The following LAMC2 variants were observed in gnomAD, a reference collection of about 807,000 sequenced individuals.
LAMC2 encodes laminin subunit gamma 2.
Under a neutral mutation model 140.2 loss-of-function variants are expected in LAMC2, and 97 were observed. That is an observed-to-expected ratio of 0.69 (90% confidence interval 0.59 to 0.82). LAMC2 has a LOEUF of 0.82. Ranked by LOEUF, LAMC2 falls within the 40% of genes least tolerant of loss-of-function variation. The pLI, the probability that LAMC2 is intolerant of heterozygous loss-of-function variation, is 0.00. For missense variants in LAMC2, 1,402 were observed against 1,476.1 expected (o/e 0.95, Z 0.82); for synonymous variants, 513 against 540.2 (o/e 0.95, Z 0.70).
chr1:183,227,494 C>A (rs769312649), intron 9 of LAMC2, 21 bp from the exon 10 acceptor site: 8 of 1,608,276 alleles, frequency 5.0e-6, no homozygotes, highest in Non-Finnish European at 6.8e-6. Context: ...CTCTGCCCCT[C>A]CACTCTTCTC....
chr1:183,211,574 C>T (rs1659070998), intron 2 of LAMC2, among the ~76,000 whole-genome samples: 1 of 152,156 alleles, frequency 6.6e-6, no homozygotes, highest in East Asian at 1.9e-4. Flanking sequence ...GCAGCGGCTC[C>T]ATCATGGCTT....
intron 1 of LAMC2, among the ~76,000 whole-genome samples, chr1:183,203,808 G>A (rs556224933): frequency 6.6e-5 from 10 of 152,180 alleles, no homozygotes; most frequent in East Asian, 1.9e-4. Context: ...ACATTCCCCA[G>A]ACATGAGGCC....
chr1:183,221,293 GA>G (rs1264162935), intron 5 of LAMC2, among the ~76,000 whole-genome samples: 1 of 152,130 alleles, frequency 6.6e-6, no homozygotes, highest in African/African-American at 2.4e-5. Context: ...AGTCTTCCTG[GA>G]ATTCACGTTC....
In LAMC2 at chr1:183,240,188, C is replaced by T. The variant is rs1660089003; in HGVS notation, c.3218C>T (p.Ala1073Val). The T allele has an allele frequency of 3.1e-6, 5 of 1,614,088 alleles. No homozygotes were observed. The highest frequency in any genetic ancestry group is 1.7e-5 in the Admixed American group (1 of 60,002). Residue 1073 changes from alanine to valine, a missense_variant, in exon 21 of 23, where the codon GCA becomes GTA. Coordinates refer to ENST00000264144, the MANE Select transcript of LAMC2 (RefSeq NM_005562.3). ...KELEFDTNMD[A>V]VQMVITEAQK... ...CTGGAGTTTGACACGAATATGGATG[C>T]AGTACAGATGGTGAGTTCCTGTTGC...
Position 183,235,698 on chromosome 1 carries a change from G to T in LAMC2, c.2424G>T (p.Pro808=). 1 of 1,614,184 alleles carries T rather than the reference G, an allele frequency of 6.2e-7. No individual in the cohort carries two copies. The highest frequency in any genetic ancestry group is 8.5e-7 in the Non-Finnish European group (1 of 1,180,018). ...GAGTCGGAAGCGGAAGCGGTAGCCC[G>T]GACGGTGCTGTGGTGCAAGGGCTTG... The part of the protein sequence containing the change: ...HEGVGSGSGS[P]DGAVVQGLVE... The change falls in exon 16 of 23, where the codon CCG becomes CCT. Residue 808 remains proline (P), a synonymous_variant. Transcript: ENST00000264144.
intron 3 of LAMC2, among the ~76,000 whole-genome samples, chr1:183,216,431 T>C (rs1659258743): frequency 6.6e-6 from 1 of 152,180 alleles, no homozygotes; most frequent in South Asian, 2.1e-4. Context: ...ATAAAACTTA[T>C]CAAGGTCCTG....
intron 1 of LAMC2, among the ~76,000 whole-genome samples, chr1:183,197,729 A>G (rs1658566065): frequency 1.3e-5 from 2 of 152,126 alleles, no homozygotes; most frequent in Admixed American, 6.6e-5. Flanking sequence ...AATAAAGTGG[A>G]TGGCAGACAT....
At chr1:183,190,764 A>G (rs1208261886) in intron 1 of LAMC2, among the ~76,000 whole-genome samples, 1 of 152,162 alleles carries the variant, frequency 6.6e-6, no homozygotes, top group Non-Finnish European at 1.5e-5. Context: ...TTATACTTAG[A>G]AGTGTTGATT....
At position 183,223,141 on chromosome 1, in the gene LAMC2, T is replaced by A. The variant is rs1659523011; in HGVS notation, c.770T>A (p.Phe257Tyr). 1 of 1,613,960 alleles carries A rather than the reference T, an allele frequency of 6.2e-7. No individual in the cohort carries two copies. Among genetic ancestry groups the A allele is most frequent in the African/African-American group, 1.3e-5 (1 of 74,914 alleles). ...DPVYFVAPAK[F>Y]LGNQQVSYGQ... ...TTAAAACTCTGTTTCACAGCCAAATTTCTTGGGAATCAACAGGTGAGCTAT... is the reference window on the plus strand; with the variant it reads ...TTAAAACTCTGTTTCACAGCCAAATATCTTGGGAATCAACAGGTGAGCTAT... Residue 257 changes from phenylalanine (F) to tyrosine (Y), a missense_variant, in exon 7 of 23, where the codon TTT (phenylalanine) becomes TAT (tyrosine). Phe to Tyr is a conservative substitution (Grantham distance 22). Around this residue, in one of 3 missense-constraint regions of LAMC2, gnomAD observed 723 missense variants for 783.3 expected, o/e 0.92. Transcript: ENST00000264144.
chr1:183,209,436 G>T (rs998181235), intron 2 of LAMC2, among the ~76,000 whole-genome samples: 11 of 152,124 alleles, frequency 7.2e-5, no homozygotes, highest in Non-Finnish European at 1.2e-4. Context: ...GGCCCATATC[G>T]CAGCAGTCAC....
chr1:183,245,951 C>T (rs1036160533), downstream of LAMC2, among the ~76,000 whole-genome samples: 2 of 152,110 alleles, frequency 1.3e-5, no homozygotes, highest in African/African-American at 4.8e-5. Flanking sequence ...GGGCGGATCA[C>T]GAGGTCAAGA....
At chr1:183,189,383 A>T (rs1034727137) in intron 1 of LAMC2, among the ~76,000 whole-genome samples, 3 of 152,136 alleles carry the variant, frequency 2.0e-5, no homozygotes, top group African/African-American at 7.2e-5. Context: ...TGAGCCCAGG[A>T]GTTCGAGACC....
At position 183,225,708 on chromosome 1, in the gene LAMC2, T is replaced by C. The variant is rs1051231906; in HGVS notation, c.1054T>C (p.Tyr352His). 9 of 1,605,946 alleles carry C rather than the reference T, an allele frequency of 5.6e-6. No homozygotes were observed. Among genetic ancestry groups the C allele is most frequent in the Non-Finnish European group, 7.7e-6 (9 of 1,172,476 alleles). Reference sequence around the variant, plus strand: ...CACAGCCCTCCGCATCCGAGCTACATATGGAGAATACAGTAAGTGGCTACG... The same window carrying C: ...CACAGCCCTCCGCATCCGAGCTACACATGGAGAATACAGTAAGTGGCTACG... Reference protein sequence around the residue: ...NLTALRIRATYGEYSTGYIDN... With the variant: ...NLTALRIRATHGEYSTGYIDN... Residue 352 changes from tyrosine to histidine, a missense_variant, in exon 8 of 23, where the codon TAT becomes CAT. Transcript: ENST00000264144.
intron 15 of LAMC2, among the ~76,000 whole-genome samples, chr1:183,234,888 C>G (rs1338278336): frequency 6.6e-6 from 1 of 152,134 alleles, no homozygotes; most frequent in Non-Finnish European, 1.5e-5. Context: ...CTCTGCAGGG[C>G]CCCAATGATA....
Position 183,232,168 on chromosome 1 carries a change from C to A in LAMC2, c.1858-19C>A. 1.2e-6 allele frequency: 2 copies of A among 1,613,262 alleles called. No individual in the cohort carries two copies. Among genetic ancestry groups the A allele is most frequent in the Non-Finnish European group, 1.7e-6 (2 of 1,179,942 alleles). ...ACATGGTCTCCACCCTCGTTCTGAT[C>A]TTTCCTGTGTGGTTTCAGATGGATC... On this transcript the variant is annotated intron_variant, in intron 12 of 22. Transcript: ENST00000264144.
At chr1:183,232,467 G>A (rs1659829132) in intron 13 of LAMC2, 124 bp downstream of exon 13, 2 of 1,199,874 alleles carry the variant, frequency 1.7e-6, no homozygotes, top group South Asian at 1.3e-5. Context: ...AGCCCTTGCA[G>A]AAGTGGAAGG....
chr1:183,193,327 G>C (rs1658403733), intron 1 of LAMC2, among the ~76,000 whole-genome samples: 1 of 152,178 alleles, frequency 6.6e-6, no homozygotes, highest in South Asian at 2.1e-4. Flanking sequence ...TGATAGTACT[G>C]TGATAAGACT....
chr1:183,240,457 C>A, intron 22 of LAMC2, 66 bp downstream of exon 22: 1 of 1,597,342 alleles, frequency 6.3e-7, no homozygotes, highest in Non-Finnish European at 8.5e-7. Flanking sequence ...AGAACACTCA[C>A]TATACCTAGC....
At chr1:183,211,866 G>C (rs1209013879) in intron 2 of LAMC2, among the ~76,000 whole-genome samples, 3 of 152,054 alleles carry the variant, frequency 2.0e-5, no homozygotes, top group African/African-American at 4.8e-5. Context: ...ATGCATGTAG[G>C]CTATATCTAT....
Sources: gnomAD v4.1 joint callset for allele counts (sites outside exome capture counted in the v4.1 genomes callset) on GRCh38, gnomAD v4.1.1 for gene constraint, gnomAD v4.1.1 regional missense constraint, MANE v1.5 for transcripts, NCBI Gene and HGNC (gene_info 2026-07-23, HGNC 2026-07-21) for gene names.